RIMS2: variants seen among roughly 807,000 people sequenced by gnomAD.
RIMS2 encodes regulating synaptic membrane exocytosis 2.
In RIMS2, 59 loss-of-function variants were observed where a neutral mutation model predicts 174.4. The ratio of observed to expected loss-of-function variants is 0.34; its 90% CI spans 0.27 to 0.42. The LOEUF (loss-of-function observed/expected upper bound fraction) is 0.42, where lower values mean the gene tolerates loss of function less well. RIMS2 is among the 10% of genes least tolerant of loss of function. The pLI is 1.00. For missense variants in RIMS2, 1,620 were observed against 1,666.3 expected (o/e 0.97, Z 0.48); for synonymous variants, 606 against 572.5 (o/e 1.06, Z -0.84).
At chr8:103,897,763 T>C (rs950958560) in intron 4 of RIMS2, among the ~76,000 whole-genome samples, 5 of 151,650 alleles carry the variant, frequency 3.3e-5, no homozygotes, top group Admixed American at 1.3e-4. Context: ...AGTGTGTACA[T>C]TGTGATTCTC....
At chr8:103,728,658 A>G (rs1454624310) in intron 2 of RIMS2, among the ~76,000 whole-genome samples, 1 of 145,538 alleles carries the variant, frequency 6.9e-6, no homozygotes, top group African/African-American at 2.6e-5. Flanking sequence ...ATAACCTTCT[A>G]TGCCCTTTTT....
chr8:103,803,122 C>G (rs950136617), intron 3 of RIMS2, among the ~76,000 whole-genome samples: 1 of 151,870 alleles, frequency 6.6e-6, no homozygotes, highest in South Asian at 2.1e-4. Context: ...CTACTAAGGA[C>G]GTAGCTCATG....
At chr8:103,998,045 A>C in intron 17 of RIMS2, 1 of 595,514 alleles carries the variant, frequency 1.7e-6, no homozygotes, top group African/African-American at 1.9e-5. Context: ...AGGAGGGGGC[A>C]AGCTTTCCAA....
intron 1 of RIMS2, among the ~76,000 whole-genome samples, chr8:103,693,485 A>G (rs770879516): frequency 9.9e-5 from 15 of 151,886 alleles, no homozygotes; most frequent in Non-Finnish European, 2.2e-4. Flanking sequence ...GCTGGAAATG[A>G]TTGCTTTTTT....
intron 7 of RIMS2, among the ~76,000 whole-genome samples, chr8:103,915,954 A>G (rs774604230): frequency 6.6e-5 from 10 of 151,952 alleles, no homozygotes; most frequent in African/African-American, 9.7e-5. Flanking sequence ...TCTCTTTGTT[A>G]ATGGATACTG....
intron 19 of RIMS2, among the ~76,000 whole-genome samples, chr8:104,213,636 G>A (rs911847500): frequency 6.6e-6 from 1 of 152,134 alleles, no homozygotes; most frequent in Non-Finnish European, 1.5e-5. Flanking sequence ...CAGCACTTTC[G>A]GAGGCCAAGG....
chr8:103,876,111 A>C (rs1032923680), intron 3 of RIMS2, among the ~76,000 whole-genome samples: 1 of 151,878 alleles, frequency 6.6e-6, no homozygotes, highest in African/African-American at 2.4e-5. Flanking sequence ...TTTTAGTTTA[A>C]TTAAGTCTTA....
intron 19 of RIMS2, among the ~76,000 whole-genome samples, chr8:104,180,227 C>T (rs1447076): frequency 1 from 151,853 of 151,854 alleles, 75,926 homozygotes; most frequent in Middle Eastern, 1. Context: ...AAGGGCATGC[C>T]CATTTTTAAT....
Position 103,562,532 on chromosome 8 carries a change from C to T in RIMS2, c.176+61470C>T, listed in dbSNP as rs561141195. Among the ~76,000 whole-genome samples the T allele has an allele frequency of 3.3e-5, 5 of 152,350 alleles. No homozygotes were observed. The South Asian group carries it at 1.0e-3, about 32-fold the overall frequency. ...CCCATGGTCTTGGGCAGCTCCACCCCTGTGGCTTTGAAGGATACAGCCTCC... is the reference window on the plus strand; with the variant it reads ...CCCATGGTCTTGGGCAGCTCCACCCTTGTGGCTTTGAAGGATACAGCCTCC... On this transcript the variant is annotated intron_variant, in intron 1 of 23. Coordinates refer to ENST00000504942, the Ensembl canonical transcript of RIMS2.
chr8:104,017,178 C>A (rs1256514684), intron 19 of RIMS2, among the ~76,000 whole-genome samples: 1 of 151,432 alleles, frequency 6.6e-6, no homozygotes, highest in South Asian at 2.1e-4. Context: ...TTTTAGAAAT[C>A]GCAACTTCAG....
chr8:103,951,447 A>G (rs2085336012), intron 14 of RIMS2, among the ~76,000 whole-genome samples: 1 of 152,192 alleles, frequency 6.6e-6, no homozygotes, highest in Non-Finnish European at 1.5e-5. Context: ...AAGTGGGTGC[A>G]GCCTAAGGTG....
At chr8:103,921,426 T>C (rs72681371) in intron 9 of RIMS2, among the ~76,000 whole-genome samples, 19,300 of 152,088 alleles carry the variant, frequency 0.13, 1,691 homozygotes, top group Non-Finnish European at 0.19. Flanking sequence ...GAGGTAGAGG[T>C]CTGTCTCTAC....
intron 1 of RIMS2, among the ~76,000 whole-genome samples, chr8:103,682,345 A>G (rs910043672): frequency 6.6e-6 from 1 of 152,162 alleles, no homozygotes; most frequent in Admixed American, 6.6e-5. Context: ...AGAAAATGAA[A>G]GGACCTAGAT....
chr8:104,214,973 T>C (rs2099123394), intron 19 of RIMS2, among the ~76,000 whole-genome samples: 1 of 152,112 alleles, frequency 6.6e-6, no homozygotes, highest in Non-Finnish European at 1.5e-5. Flanking sequence ...CAATACGCTA[T>C]TTAAAATCTT....
intron 1 of RIMS2, among the ~76,000 whole-genome samples, chr8:103,543,436 C>A (rs1017444950): frequency 6.6e-6 from 1 of 152,054 alleles, no homozygotes; most frequent in Non-Finnish European, 1.5e-5. Context: ...TCATACTACT[C>A]AAAACTATAG....
intron 19 of RIMS2, among the ~76,000 whole-genome samples, chr8:104,183,873 T>A (rs948567131): frequency 6.6e-6 from 1 of 151,648 alleles, no homozygotes; most frequent in South Asian, 2.1e-4. Context: ...GATCGACTTA[T>A]CTTTTAAATT....
At chr8:103,563,910 A>G (rs1035702494) in intron 1 of RIMS2, among the ~76,000 whole-genome samples, 1 of 152,096 alleles carries the variant, frequency 6.6e-6, no homozygotes, top group Non-Finnish European at 1.5e-5. Context: ...AAACCAGCAA[A>G]TCTCATGAGA....
At chr8:104,240,841 A>G (rs1297471008) in intron 19 of RIMS2, among the ~76,000 whole-genome samples, 1 of 152,154 alleles carries the variant, frequency 6.6e-6, no homozygotes, top group Non-Finnish European at 1.5e-5. Context: ...TAATAACAGT[A>G]TAATTAATTG....
At chr8:103,779,601 T>C (rs1484472121) in intron 3 of RIMS2, among the ~76,000 whole-genome samples, 1 of 151,848 alleles carries the variant, frequency 6.6e-6, no homozygotes, top group Non-Finnish European at 1.5e-5. Context: ...ATGTCCTTTG[T>C]AGGGTCATGG....
Sources: allele counts gnomAD v4.1 joint callset (sites outside exome capture counted in the v4.1 genomes callset), GRCh38; gene constraint gnomAD v4.1.1; transcripts MANE v1.5; gene names NCBI Gene and HGNC (gene_info 2026-07-23, HGNC 2026-07-21).